Variants in WWP1 observed in about 807,000 individuals in gnomAD.
WWP1 encodes WW domain containing E3 ubiquitin protein ligase 1, also known as NEDD4-like E3 ubiquitin-protein ligase WWP1.
A neutral mutation model predicts 130.6 loss-of-function variants in WWP1; 49 were observed. The ratio of observed to expected loss-of-function variants is 0.38; its 90% CI spans 0.30 to 0.48. WWP1 has a LOEUF of 0.48. WWP1 is among the 20% of genes least tolerant of loss of function. The probability of loss-of-function intolerance (pLI) is 0.99; values close to 1 mark genes in which losing one functional copy is unlikely to be tolerated. For missense variants in WWP1, 809 were observed against 1,100.6 expected, an observed-to-expected ratio of 0.74 and a Z score of 3.75; for synonymous variants, 332 against 367.8, an observed-to-expected ratio of 0.90 and a Z score of 1.11.
chr8:86,448,321 A>G, intron 19 of WWP1, 40 bp downstream of exon 19: 9 of 1,583,796 alleles, frequency 5.7e-6, no homozygotes, highest in Non-Finnish European at 7.7e-6. Flanking sequence ...TTTTTTTGAA[A>G]CCCATTTTGT....
At chr8:86,359,876 C>T (rs923883323) in intron 1 of WWP1, among the ~76,000 whole-genome samples, 1 of 151,916 alleles carries the variant, frequency 6.6e-6, no homozygotes, top group Non-Finnish European at 1.5e-5. Flanking sequence ...AGTGAAACCC[C>T]GTCTCTACTA....
intron 1 of WWP1, among the ~76,000 whole-genome samples, chr8:86,354,843 C>T (rs1823164094): frequency 6.6e-6 from 1 of 151,964 alleles, no homozygotes; most frequent in Admixed American, 6.6e-5. Flanking sequence ...TGGTGGTGAT[C>T]AGGGTGGGAT....
chr8:86,408,922 A>T (rs552015211), intron 8 of WWP1, among the ~76,000 whole-genome samples: 34 of 151,584 alleles, frequency 2.2e-4, no homozygotes, highest in African/African-American at 5.3e-4. Context: ...AAAAAAAAAA[A>T]TTTTTTTTCT....
chr8:86,346,814 A>C (rs988514980), intron 1 of WWP1, among the ~76,000 whole-genome samples: 1 of 152,206 alleles, frequency 6.6e-6, no homozygotes, highest in Non-Finnish European at 1.5e-5. Context: ...ACTAATACTT[A>C]ATGGAGGAAA....
chr8:86,394,933 T>TAAAAAAAAAAA lies in WWP1; in HGVS notation c.335-3397_335-3387dup, dbSNP rs10694206. Among the ~76,000 whole-genome samples, 2 of 76,412 alleles carry TAAAAAAAAAAA rather than the reference T, an allele frequency of 2.6e-5. 1 individual carries two copies. The allele number at this position is 76,412 out of a possible 152,430, so 50.1% of individuals were successfully genotyped here. A position where few individuals can be genotyped will look rare whatever the true frequency, so the allele number is the denominator to read the frequency against. On this transcript the variant is annotated intron_variant, in intron 5 of 24. Coordinates refer to ENST00000517970, the MANE Select transcript of WWP1 (RefSeq NM_007013.4). The stretch of plus-strand genomic sequence containing the variant: ...CAAAAAGGTAGAGGGCTGTTCTTCT[T>TAAAAAAAAAAA]AAAAAAAAAAAAAAAAAAAAAAGCC...
intron 5 of WWP1, 31 bp downstream of exon 5, chr8:86,381,660 T>G: frequency 6.5e-7 from 1 of 1,546,132 alleles, no homozygotes; most frequent in Non-Finnish European, 8.7e-7. Flanking sequence ...TTTATTTCCT[T>G]ATAAGTTTAT....
Position 86,411,885 on chromosome 8 carries a change from CT to C in WWP1, c.1061+16del. The C allele has an allele frequency of 6.3e-7, 1 of 1,579,036 alleles. No homozygotes were observed. The highest frequency in any genetic ancestry group is 8.6e-7 in the Non-Finnish European group (1 of 1,161,416). On this transcript the variant is annotated intron_variant, in intron 9 of 24. Transcript: ENST00000517970. The stretch of plus-strand genomic sequence containing the variant: ...AACCTTGCCATCAGGGTATGTTAAG[CT>C]TTTTAATGTCTGACTTGCATTTAAG...
chr8:86,370,855 C>CTTTTTTTATTTTTTTTTT (rs1824247728), intron 2 of WWP1, among the ~76,000 whole-genome samples: 1 of 44,862 alleles, frequency 2.2e-5, no homozygotes, highest in African/African-American at 1.0e-4. Flanking sequence ...TATATTCATT[C>CTTTTTTTATTTTTTTTTT]TTTTTTTTTT....
intron 16 of WWP1, among the ~76,000 whole-genome samples, chr8:86,437,206 T>C (rs1243093787): frequency 6.6e-6 from 1 of 152,228 alleles, no homozygotes; most frequent in Non-Finnish European, 1.5e-5. Flanking sequence ...CTGACATATG[T>C]GTGGAATGTA....
At chr8:86,456,715 GAATGGAT>G in intron 21 of WWP1, among the ~76,000 whole-genome samples, 1 of 151,930 alleles carries the variant, frequency 6.6e-6, no homozygotes, top group African/African-American at 2.4e-5. Flanking sequence ...ATTAACAAGT[GAATGGAT>G]AAGCAAATTG....
At chr8:86,459,429 G>A (rs1563552828) in intron 22 of WWP1, among the ~76,000 whole-genome samples, 1 of 152,132 alleles carries the variant, frequency 6.6e-6, no homozygotes, top group Non-Finnish European at 1.5e-5. Flanking sequence ...GCTAACCAAT[G>A]TGTATAATAT....
intron 21 of WWP1, among the ~76,000 whole-genome samples, chr8:86,454,006 A>T (rs887212848): frequency 6.6e-6 from 1 of 152,138 alleles, no homozygotes; most frequent in Non-Finnish European, 1.5e-5. Context: ...TTCAGATTTC[A>T]TACAGTAATA....
At chr8:86,428,270 A>C (rs1809743649) in intron 11 of WWP1, among the ~76,000 whole-genome samples, 1 of 152,168 alleles carries the variant, frequency 6.6e-6, no homozygotes, top group Admixed American at 6.5e-5. Flanking sequence ...TCCATCAAAG[A>C]TATTTCTAGA....
At chr8:86,378,229 CCAAT>C (rs1159952103) in intron 3 of WWP1, among the ~76,000 whole-genome samples, 1 of 152,046 alleles carries the variant, frequency 6.6e-6, no homozygotes, top group Non-Finnish European at 1.5e-5. Context: ...ACACTCAAAA[CCAAT>C]CAGTTGGTGT....
chr8:86,387,485 A>G (rs530715769), intron 5 of WWP1, among the ~76,000 whole-genome samples: 3 of 151,802 alleles, frequency 2.0e-5, no homozygotes, highest in South Asian at 2.1e-4. Context: ...TCATATATGT[A>G]TATTTATTTA....
intron 1 of WWP1, among the ~76,000 whole-genome samples, chr8:86,358,520 C>T (rs1258059377): frequency 6.7e-6 from 1 of 149,000 alleles, no homozygotes; most frequent in Non-Finnish European, 1.5e-5. Flanking sequence ...CTAGCTCTGT[C>T]TCCCAGGCTA....
At chr8:86,421,278 T>A (rs1344818923) in intron 9 of WWP1, among the ~76,000 whole-genome samples, 1 of 152,180 alleles carries the variant, frequency 6.6e-6, no homozygotes. Flanking sequence ...AGTTCTGAAC[T>A]TGGGAATCTT....
rs577425106 is a variant in WWP1 at position 86,362,514 on chromosome 8, C to T, written c.-114-6425C>T. Among the ~76,000 whole-genome samples, 566 of 151,960 alleles carry T rather than the reference C, an allele frequency of 3.7e-3. 3 individuals carry two copies. Among genetic ancestry groups the T allele is most frequent in the Non-Finnish European group, 6.7e-3 (453 of 67,976 alleles). ...AACCAAATTGCAAGGGTAGAAGAAT[C>T]GGTGACAAGCTTAGACATCATTATT... is the stretch of plus-strand genomic sequence containing the variant. On this transcript the variant is annotated intron_variant, in intron 1 of 24. Coordinates refer to ENST00000517970, the MANE Select transcript of WWP1 (RefSeq NM_007013.4).
intron 22 of WWP1, among the ~76,000 whole-genome samples, chr8:86,460,710 C>G (rs1811711571): frequency 6.8e-6 from 1 of 147,532 alleles, no homozygotes; most frequent in Non-Finnish European, 1.5e-5. Context: ...TGAGGATGAA[C>G]TGAAGTGAGG....
Sources: gnomAD v4.1 joint callset for allele counts (sites outside exome capture counted in the v4.1 genomes callset) on GRCh38, gnomAD v4.1.1 for gene constraint, MANE v1.5 for transcripts, NCBI Gene and HGNC (gene_info 2026-07-23, HGNC 2026-07-21) for gene names.